Variants in SLC22A23 observed in about 807,000 individuals in gnomAD.
The protein encoded by SLC22A23 is solute carrier family 22 member 23.
In SLC22A23, 26 loss-of-function variants were observed where a neutral mutation model predicts 61.0. The observed-to-expected ratio is 0.43, with a 90% CI of 0.31 to 0.59. The LOEUF is 0.59. SLC22A23 is among the 20% of genes least tolerant of loss of function. The probability of loss-of-function intolerance (pLI) is 0.11; values close to 1 mark genes in which losing one functional copy is unlikely to be tolerated. For synonymous variants in SLC22A23, 430 were observed against 413.9 expected (o/e 1.04, Z -0.47); for missense variants, 796 against 934.7 (o/e 0.85, Z 1.94).
chr6:3,425,341 G>A (rs1005410796), intron 1 of SLC22A23, among the ~76,000 whole-genome samples: 9 of 140,380 alleles, frequency 6.4e-5, no homozygotes, highest in African/African-American at 2.4e-4. Context: ...CTGGAGTGCA[G>A]TGGTGCAATC....
chr6:3,284,988 A>AT (rs971345779), intron 8 of SLC22A23, 91 bp downstream of exon 8: 3 of 1,561,304 alleles, frequency 1.9e-6, no homozygotes, highest in African/African-American at 2.7e-5. Flanking sequence ...GAAAGAGAAA[A>AT]TGGAAACCAC....
chr6:3,452,203 C>T (rs1216999014), intron 1 of SLC22A23, among the ~76,000 whole-genome samples: 1 of 152,154 alleles, frequency 6.6e-6, no homozygotes. Context: ...ACACAAGACA[C>T]AACACCATCC....
At position 3,283,649 on chromosome 6, in the gene SLC22A23, A is replaced by G. The variant is rs1322498442; in HGVS notation, c.1703+203T>C. ...CCCTTCCTCCTGCTGCTGCCTGGAC[A>G]GGACCCCAGGGCCAGGTTCTCACTG... On this transcript the variant is annotated intron_variant, in intron 9 of 9. Coordinates refer to ENST00000406686, the MANE Select transcript of SLC22A23 (RefSeq NM_015482.2). 8 of 674,790 alleles carry G rather than the reference A, an allele frequency of 1.2e-5. No individual in the cohort carries two copies. In the East Asian group the frequency reaches 2.4e-4, roughly 20 times the overall value. The allele number at this position is 674,790 out of a possible 1,614,324, so 41.8% of individuals were successfully genotyped here. A position where few individuals can be genotyped will look rare whatever the true frequency, so the allele number is the denominator to read the frequency against.
At position 3,329,215 on chromosome 6, in the gene SLC22A23, G is replaced by A. The variant is rs1310186349; in HGVS notation, c.914-5213C>T. 6.6e-6 allele frequency among the ~76,000 whole-genome samples: 1 copy of A among 151,738 alleles called. No individual in the cohort carries two copies. The highest frequency in any genetic ancestry group is 1.5e-5 in the Non-Finnish European group (1 of 67,998). On this transcript the variant is annotated intron_variant, in intron 3 of 9. Coordinates refer to ENST00000406686, the MANE Select transcript of SLC22A23 (RefSeq NM_015482.2). This position sits in a 1 kb window ranked among gnomAD's most constrained non-coding sequence, Gnocchi z 4.8. ...CCGATCTAACTGTTCATTGGATTCAGTGATTATAAATAAAATTTTAAAAAC... is the reference window on the plus strand; with the variant it reads ...CCGATCTAACTGTTCATTGGATTCAATGATTATAAATAAAATTTTAAAAAC...
chr6:3,293,017 AG>A (rs1278437325), intron 5 of SLC22A23, among the ~76,000 whole-genome samples: 2 of 152,208 alleles, frequency 1.3e-5, no homozygotes, highest in Non-Finnish European at 2.9e-5. Flanking sequence ...GAGGTAAACC[AG>A]GCCTCCGAGG....
chr6:3,354,399 G>T (rs1398863066), intron 3 of SLC22A23, among the ~76,000 whole-genome samples: 1 of 152,192 alleles, frequency 6.6e-6, no homozygotes, highest in East Asian at 1.9e-4. Context: ...GTAAACAAAA[G>T]AAAATCTCAA....
intron 4 of SLC22A23, among the ~76,000 whole-genome samples, chr6:3,321,063 G>A (rs185399184): frequency 1.3e-3 from 199 of 152,258 alleles, no homozygotes; most frequent in Non-Finnish European, 2.4e-3. Context: ...GGCACAGAGA[G>A]ATTAAGCGAC....
At chr6:3,404,218 T>TA (rs35185609) in intron 3 of SLC22A23, among the ~76,000 whole-genome samples, 60,291 of 152,074 alleles carry the variant, frequency 0.4, 13,487 homozygotes, top group African/African-American at 0.62. Context: ...GACATAGATC[T>TA]ACCTTCACCA....
rs528242657 is a variant in SLC22A23 at position 3,324,529 on chromosome 6, C to T, written c.914-527G>A. 1.1e-4 allele frequency among the ~76,000 whole-genome samples: 17 copies of T among 152,304 alleles called. No individual in the cohort carries two copies. Among genetic ancestry groups the T allele is most frequent in the East Asian group, 3.9e-4 (2 of 5,186 alleles). On this transcript the variant is annotated intron_variant, in intron 3 of 9. Coordinates refer to ENST00000406686, the MANE Select transcript of SLC22A23 (RefSeq NM_015482.2). This position sits in a 1 kb window ranked among gnomAD's most constrained non-coding sequence, Gnocchi z 4.3. ...TCACTCCAGGGCTCCTTGAGCACTC[C>T]GAGTTCCAGGCAACCTACTCACACT...
At chr6:3,302,892 A>G (rs1424937533) in intron 4 of SLC22A23, 1 of 152,194 alleles carries the variant, frequency 6.6e-6, no homozygotes, top group East Asian at 1.9e-4. Flanking sequence ...TCTGCACAGC[A>G]AAGGAAACAA....
At chr6:3,323,755 G>C in intron 4 of SLC22A23, 79 bp downstream of exon 4, 2 of 1,468,096 alleles carry the variant, frequency 1.4e-6, no homozygotes, top group Non-Finnish European at 9.1e-7. Flanking sequence ...TGTGGGGATT[G>C]TGTGTCCTGC....
chr6:3,436,573 G>A (rs12193994), intron 1 of SLC22A23, among the ~76,000 whole-genome samples: 347 of 152,092 alleles, frequency 2.3e-3, no homozygotes, highest in Admixed American at 4.3e-3. Flanking sequence ...GTCTTCTCCC[G>A]CTCCTTCCCG....
In SLC22A23 at chr6:3,410,124, A is replaced by T; in HGVS notation, c.913+64T>A. Reference sequence around the variant, plus strand: ...CAGCATGCACAGTATCTTTCCCAGAACCTCCCAGGCAACAATACTTTTGCT... The same window carrying T: ...CAGCATGCACAGTATCTTTCCCAGATCCTCCCAGGCAACAATACTTTTGCT... On this transcript the variant is annotated intron_variant, in intron 3 of 9. Coordinates refer to ENST00000406686, the MANE Select transcript of SLC22A23 (RefSeq NM_015482.2). This position sits in a 1 kb window ranked among gnomAD's most constrained non-coding sequence, Gnocchi z 5.0. 6.5e-7 allele frequency: 1 copy of T among 1,536,974 alleles called. No homozygotes were observed. Among genetic ancestry groups the T allele is most frequent in the East Asian group, 2.3e-5 (1 of 43,232 alleles).
intron 3 of SLC22A23, among the ~76,000 whole-genome samples, chr6:3,393,998 A>G (rs1392390907): frequency 6.6e-6 from 1 of 152,216 alleles, no homozygotes; most frequent in African/African-American, 2.4e-5. Flanking sequence ...AAAAGGAAAA[A>G]TGCCAAAAAG....
chr6:3,430,653 A>G (rs942671171), intron 1 of SLC22A23, among the ~76,000 whole-genome samples: 4 of 152,152 alleles, frequency 2.6e-5, no homozygotes, highest in African/African-American at 9.7e-5. Flanking sequence ...AGGGGTAAAG[A>G]GTAGCGGCAG....
intron 4 of SLC22A23, chr6:3,303,027 C>T (rs936899550): frequency 4.6e-5 from 7 of 152,028 alleles, no homozygotes; most frequent in Non-Finnish European, 4.4e-5. Flanking sequence ...AAAGAAACAA[C>T]CTGATTTTTA....
Position 3,326,122 on chromosome 6 carries a change from A to G in SLC22A23, c.914-2120T>C, listed in dbSNP as rs115479489. On this transcript the variant is annotated intron_variant, in intron 3 of 9. Transcript: ENST00000406686. ...CCCAGACCAGGTTCTAGGTTTGCGG[A>G]TGAGCAGGGAAAATGCTCCCTTGCT... 2.0e-3 allele frequency among the ~76,000 whole-genome samples: 299 copies of G among 152,358 alleles called. 2 individuals carry two copies. The highest frequency in any genetic ancestry group is 6.6e-3 in the African/African-American group (274 of 41,576).
rs1220581132 is a variant in SLC22A23 at position 3,390,973 on chromosome 6, C to G, written c.913+19215G>C. On this transcript the variant is annotated intron_variant, in intron 3 of 9. Coordinates refer to ENST00000406686, the MANE Select transcript of SLC22A23 (RefSeq NM_015482.2). This position sits in a 1 kb window ranked among gnomAD's most constrained non-coding sequence, Gnocchi z 4.0. The stretch of plus-strand genomic sequence containing the variant: ...ACTGCCTGAATGGAATGAAGAGAAT[C>G]ATACCCTGACTCATTAGAGTGATGA... Among the ~76,000 whole-genome samples, 1 of 152,198 alleles carries G rather than the reference C, an allele frequency of 6.6e-6. No homozygotes were observed. Among genetic ancestry groups the G allele is most frequent in the African/African-American group, 2.4e-5 (1 of 41,456 alleles).
At chr6:3,357,051 A>T (rs1581742739) in intron 3 of SLC22A23, among the ~76,000 whole-genome samples, 1 of 109,760 alleles carries the variant, frequency 9.1e-6, no homozygotes, top group Admixed American at 9.5e-5. Flanking sequence ...AAACCAAAAC[A>T]GAGCCAAAAA....
Sources: gnomAD v4.1 joint callset for allele counts (sites outside exome capture counted in the v4.1 genomes callset) on GRCh38, gnomAD v4.1.1 for gene constraint, Gnocchi (gnomAD v3.1) non-coding constraint, MANE v1.5 for transcripts, NCBI Gene and HGNC (gene_info 2026-07-23, HGNC 2026-07-21) for gene names.